The following DLGAP2 variants were observed in gnomAD, a reference collection of about 807,000 sequenced individuals.
The protein encoded by DLGAP2 is disks large-associated protein 2.
DLGAP2 carries 26 observed loss-of-function variants against 100.3 expected under a neutral mutation model. The observed-to-expected ratio is 0.26, with a 90% CI of 0.19 to 0.36. The LOEUF is 0.36. Among genes scored for constraint, DLGAP2 ranks in the 10% least tolerant of loss-of-function variants. The probability of loss-of-function intolerance (pLI) is 1.00; values close to 1 mark genes in which losing one functional copy is unlikely to be tolerated. For missense variants in DLGAP2, 1,858 were observed against 1,453.2 expected, an observed-to-expected ratio of 1.28 and a Z score of -4.53; for synonymous variants, 886 against 630.1, an observed-to-expected ratio of 1.41 and a Z score of -6.08.
chr8:1,063,454 A>G (rs1364330724), intron 2 of DLGAP2, among the ~76,000 whole-genome samples: 1 of 151,538 alleles, frequency 6.6e-6, no homozygotes, highest in Non-Finnish European at 1.5e-5. Flanking sequence ...TGTGCAATCC[A>G]CAAGACGATG....
intron 3 of DLGAP2, among the ~76,000 whole-genome samples, chr8:1,282,738 ACG>A (rs1799842028): frequency 1.1e-4 from 14 of 130,000 alleles, no homozygotes; most frequent in Admixed American, 1.6e-4. Flanking sequence ...AACCATCTGG[ACG>A]TGGTGTGACC....
At chr8:1,110,759 T>A (rs931894954) in intron 2 of DLGAP2, among the ~76,000 whole-genome samples, 3 of 147,288 alleles carry the variant, frequency 2.0e-5, no homozygotes, top group East Asian at 4.0e-4. Flanking sequence ...CCCGCAGCCC[T>A]GCAGTGGCAC....
intron 2 of DLGAP2, among the ~76,000 whole-genome samples, chr8:1,008,208 A>T (rs779672125): frequency 3.3e-5 from 5 of 152,264 alleles, no homozygotes; most frequent in Admixed American, 6.5e-5. Context: ...ATAAAAGATA[A>T]ATGTCAGTAG....
At chr8:1,640,531 A>T (rs995313113) in intron 8 of DLGAP2, among the ~76,000 whole-genome samples, 17 of 152,166 alleles carry the variant, frequency 1.1e-4, no homozygotes, top group African/African-American at 3.4e-4. Flanking sequence ...CATGATCCCC[A>T]TTAGAACGTC....
intron 2 of DLGAP2, among the ~76,000 whole-genome samples, chr8:957,475 A>G (rs188709767): frequency 1.3e-5 from 2 of 152,346 alleles, no homozygotes; most frequent in Admixed American, 1.3e-4. Context: ...CATATGTCCA[A>G]AACACCAGCC....
intron 2 of DLGAP2, among the ~76,000 whole-genome samples, chr8:1,177,233 C>G (rs910862329): frequency 3.3e-5 from 5 of 152,090 alleles, no homozygotes; most frequent in African/African-American, 1.2e-4. Context: ...GTCTTGTGTC[C>G]TGTGATTGTG....
chr8:1,136,873 G>T lies in DLGAP2; in HGVS notation c.74-121978G>T, dbSNP rs960616206. ...TGATCTTAAATGGTGAAGAGTAAATGCTCAGAACAAAGACATTTGATAGCA... is the reference window on the plus strand; with the variant it reads ...TGATCTTAAATGGTGAAGAGTAAATTCTCAGAACAAAGACATTTGATAGCA... On this transcript the variant is annotated intron_variant, in intron 2 of 14. Coordinates refer to ENST00000637795, the MANE Select transcript of DLGAP2 (RefSeq NM_001346810.2). 2.6e-5 allele frequency among the ~76,000 whole-genome samples: 4 copies of T among 152,192 alleles called. No homozygotes were observed. The East Asian group carries it at 7.7e-4, about 29-fold the overall frequency.
intron 2 of DLGAP2, among the ~76,000 whole-genome samples, chr8:1,197,808 C>A (rs758404497): frequency 4.6e-5 from 7 of 152,334 alleles, no homozygotes; most frequent in Middle Eastern, 3.4e-3. Flanking sequence ...TTTTTCATCT[C>A]CTGGGCCTCC....
intron 1 of DLGAP2, among the ~76,000 whole-genome samples, chr8:815,476 A>G (rs891882790): frequency 6.6e-6 from 1 of 152,174 alleles, no homozygotes; most frequent in Non-Finnish European, 1.5e-5. Context: ...AATTTCCCCA[A>G]ATTGAGGGAA....
chr8:1,257,090 G>C (rs1799239958), intron 2 of DLGAP2, among the ~76,000 whole-genome samples: 1 of 151,934 alleles, frequency 6.6e-6, no homozygotes, highest in Non-Finnish European at 1.5e-5. Flanking sequence ...GCAGTCAGAT[G>C]TGTCCACCCC....
At chr8:1,184,166 A>G (rs7825330) in intron 2 of DLGAP2, among the ~76,000 whole-genome samples, 17,806 of 152,276 alleles carry the variant, frequency 0.12, 2,112 homozygotes, top group African/African-American at 0.3. Flanking sequence ...CTTTTATGCA[A>G]CCGTCATGCC....
At chr8:1,191,814 A>G (rs1006946089) in intron 2 of DLGAP2, among the ~76,000 whole-genome samples, 5 of 152,214 alleles carry the variant, frequency 3.3e-5, no homozygotes, top group Admixed American at 1.3e-4. Flanking sequence ...AAACCGTATT[A>G]TATAAGATAT....
intron 2 of DLGAP2, among the ~76,000 whole-genome samples, chr8:1,008,811 A>G (rs1347444318): frequency 4.6e-5 from 7 of 152,210 alleles, no homozygotes; most frequent in Non-Finnish European, 4.4e-5. Context: ...ACTGGTGTGC[A>G]TGGGAACTGG....
In DLGAP2 at chr8:1,502,453, A is replaced by C. The variant is rs548577750; in HGVS notation, c.172+1022A>C. Among the ~76,000 whole-genome samples, 3 of 152,352 alleles carry C rather than the reference A, an allele frequency of 2.0e-5. No homozygotes were observed. In the South Asian group the frequency reaches 6.2e-4, roughly 32 times the overall value. The stretch of plus-strand genomic sequence containing the variant: ...ACAGCCAAAAAGTGTTTGCTTTTCA[A>C]TATAAGATGATGGAAATGGGTAGAG... On this transcript the variant is annotated intron_variant, in intron 4 of 14. Transcript: ENST00000637795.
chr8:1,240,702 C>G (rs1395900427), intron 2 of DLGAP2, among the ~76,000 whole-genome samples: 8 of 150,702 alleles, frequency 5.3e-5, no homozygotes, highest in Non-Finnish European at 1.0e-4. Flanking sequence ...GGTTCTCTCA[C>G]ATGGTGACGT....
At chr8:987,716 C>G (rs1487359406) in intron 2 of DLGAP2, among the ~76,000 whole-genome samples, 4 of 151,874 alleles carry the variant, frequency 2.6e-5, no homozygotes, top group African/African-American at 9.7e-5. Flanking sequence ...GTAATTAGTC[C>G]AAGCCGACGA....
At chr8:1,635,510 G>A (rs1007988931) in intron 8 of DLGAP2, among the ~76,000 whole-genome samples, 123 of 152,188 alleles carry the variant, frequency 8.1e-4, no homozygotes, top group African/African-American at 2.8e-3. Context: ...GTATGTGTGC[G>A]TGTGTGGTGT....
chr8:1,226,182 T>C (rs549084674), intron 2 of DLGAP2, among the ~76,000 whole-genome samples: 1 of 152,170 alleles, frequency 6.6e-6, no homozygotes, highest in Non-Finnish European at 1.5e-5. Context: ...CGCACGTATG[T>C]TCAGTGAAGC....
intron 4 of DLGAP2, among the ~76,000 whole-genome samples, chr8:1,526,240 G>A (rs113760106): frequency 4.0e-5 from 6 of 151,694 alleles, no homozygotes; most frequent in East Asian, 3.9e-4. Context: ...TTGCGGTGGC[G>A]ATTGTGTTTT....
Sources: gnomAD v4.1 joint callset for allele counts (sites outside exome capture counted in the v4.1 genomes callset) on GRCh38, gnomAD v4.1.1 for gene constraint, MANE v1.5 for transcripts, NCBI Gene and HGNC (gene_info 2026-07-23, HGNC 2026-07-21) for gene names.